The following MYO9A variants were observed in gnomAD, a reference collection of about 807,000 sequenced individuals.
MYO9A encodes unconventional myosin-IXa.
Under a neutral mutation model 293.3 loss-of-function variants are expected in MYO9A, and 103 were observed. The observed-to-expected ratio is 0.35, with a 90% CI of 0.30 to 0.41. The LOEUF (loss-of-function observed/expected upper bound fraction) is 0.41. MYO9A is among the 10% of genes least tolerant of loss of function. MYO9A has a pLI of 1.00. For missense variants in MYO9A, 2,685 were observed against 3,033.0 expected, an observed-to-expected ratio of 0.89 and a Z score of 2.69; for synonymous variants, 1,001 against 1,035.7, an observed-to-expected ratio of 0.97 and a Z score of 0.64.
chr15:72,027,768 C>T lies in MYO9A; in HGVS notation c.961G>A (p.Glu321Lys). 1 of 1,608,378 alleles carries T rather than the reference C, an allele frequency of 6.2e-7. No individual in the cohort carries two copies. The highest frequency in any genetic ancestry group is 8.5e-7 in the Non-Finnish European group (1 of 1,177,916). The change falls in exon 4 of 42, where the codon GAG becomes AAG. Residue 321 changes from glutamate (E) to lysine (K), a missense_variant. Glu to Lys is a moderately conservative substitution (Grantham distance 56). Transcript: ENST00000356056. The stretch of plus-strand genomic sequence containing the variant: ...TCCTGATAAACGAGTCTGGACTTCT[C>T]CAGTAGATATTTTTCAACATAGGCA... ...LGAYVEKYLLEKSRLVYQEHN... is the reference protein window; with the variant it reads ...LGAYVEKYLLKKSRLVYQEHN...
intron 4 of MYO9A, among the ~76,000 whole-genome samples, chr15:72,025,818 T>C (rs112377121): frequency 0.017 from 2,637 of 152,282 alleles, 83 homozygotes; most frequent in African/African-American, 0.06. Context: ...CATATGTTTA[T>C]AGAACACTCC....
chr15:71,966,748 TG>T (rs746764980), intron 13 of MYO9A, among the ~76,000 whole-genome samples: 1 of 152,232 alleles, frequency 6.6e-6, no homozygotes, highest in Non-Finnish European at 1.5e-5. Flanking sequence ...GTGACTTAAC[TG>T]ATCTTCCAGA....
At chr15:72,063,592 G>T (rs1596491552) in intron 1 of MYO9A, among the ~76,000 whole-genome samples, 1 of 152,146 alleles carries the variant, frequency 6.6e-6, no homozygotes, top group African/African-American at 2.4e-5. Context: ...CAAAAGACTG[G>T]AATAGACAAT....
chr15:72,099,422 C>CAA (rs57019438), intron 1 of MYO9A, among the ~76,000 whole-genome samples: 62,208 of 90,060 alleles, frequency 0.69, 20,038 homozygotes, highest in South Asian at 0.77. Flanking sequence ...GACCCTGCCC[C>CAA]AAAAAAAAAA....
chr15:72,036,557 T>TG (rs1314089092), intron 2 of MYO9A: 2 of 151,778 alleles, frequency 1.3e-5, no homozygotes, highest in African/African-American at 4.8e-5. Flanking sequence ...AATGATGGGG[T>TG]TTTTTTTAAA....
chr15:71,886,602 G>A (rs1447787467), intron 27 of MYO9A, among the ~76,000 whole-genome samples: 1 of 152,078 alleles, frequency 6.6e-6, no homozygotes, highest in Non-Finnish European at 1.5e-5. Context: ...CCAGCTAGAT[G>A]TATCTTTCTC....
chr15:71,901,862 T>C (rs1182088261), intron 22 of MYO9A, among the ~76,000 whole-genome samples: 2 of 152,170 alleles, frequency 1.3e-5, no homozygotes, highest in East Asian at 1.9e-4. Context: ...TTGAAAACCA[T>C]AGATCTTGAA....
intron 35 of MYO9A, among the ~76,000 whole-genome samples, chr15:71,853,596 C>T (rs982752): frequency 0.31 from 46,856 of 152,046 alleles, 7,827 homozygotes; most frequent in East Asian, 0.59. Flanking sequence ...AGAAACAGCA[C>T]TGAACACAGG....
At position 71,898,613 on chromosome 15, in the gene MYO9A, C is replaced by T; in HGVS notation, c.3890G>A (p.Gly1297Asp). The change falls in exon 25 of 42, where the codon GGT becomes GAT. Residue 1297 changes from glycine (G) to aspartate (D), a missense_variant. Physicochemically the swap from Gly to Asp is moderately conservative, Grantham distance 94. This residue lies in a region of MYO9A where 1,434 missense variants were observed against 1,497.7 expected (regional missense o/e 0.96). Transcript: ENST00000356056. ...TCTGCGATCCTCTGAAGGAGAAATA[C>T]CACCAAGAGAACGAACTTTCAGCAA... ...LELLKVRSLG[G>D]ISPSEDRRWS... 1 of 1,614,140 alleles carries T rather than the reference C, an allele frequency of 6.2e-7. No homozygotes were observed. The highest frequency in any genetic ancestry group is 1.1e-5 in the South Asian group (1 of 91,082).
intron 1 of MYO9A, among the ~76,000 whole-genome samples, chr15:72,057,481 C>T (rs2078754486): frequency 1.3e-5 from 2 of 152,136 alleles, no homozygotes; most frequent in Non-Finnish European, 1.5e-5. Flanking sequence ...CCTTGTCATT[C>T]CATCTTTGTC....
At chr15:72,050,328 G>C (rs1457959711) in intron 1 of MYO9A, among the ~76,000 whole-genome samples, 2 of 152,050 alleles carry the variant, frequency 1.3e-5, no homozygotes, top group Non-Finnish European at 1.5e-5. Flanking sequence ...TACATTACCA[G>C]CCGGGTGCGG....
chr15:71,879,637 A>T, intron 30 of MYO9A, 84 bp downstream of exon 30: 1 of 960,294 alleles, frequency 1.0e-6, no homozygotes. Flanking sequence ...CTTACGAAAC[A>T]TGGCTTTTGT....
intron 9 of MYO9A, among the ~76,000 whole-genome samples, chr15:71,999,581 A>G (rs1190742736): frequency 6.6e-6 from 1 of 152,192 alleles, no homozygotes; most frequent in Non-Finnish European, 1.5e-5. Flanking sequence ...CCTACCATCT[A>G]TCTACCCCAC....
At chr15:71,835,870 ATAG>A (rs1270601725) in intron 39 of MYO9A, among the ~76,000 whole-genome samples, 2 of 152,142 alleles carry the variant, frequency 1.3e-5, no homozygotes, top group African/African-American at 2.4e-5. Flanking sequence ...GGTAAATAAA[ATAG>A]TGGTGGTGTT....
chr15:71,846,589 CTGATATCTAA>C (rs1185936105), intron 39 of MYO9A, among the ~76,000 whole-genome samples: 2 of 152,148 alleles, frequency 1.3e-5, no homozygotes, highest in African/African-American at 2.4e-5. Context: ...GTTAAGGTAA[CTGATATCTAA>C]TGGGAAAGGG....
chr15:72,099,714 C>A (rs1032247443), intron 1 of MYO9A, among the ~76,000 whole-genome samples: 2 of 151,670 alleles, frequency 1.3e-5, no homozygotes, highest in African/African-American at 4.8e-5. Flanking sequence ...CCAACCTGAC[C>A]AATATGGTGA....
intron 39 of MYO9A, among the ~76,000 whole-genome samples, chr15:71,831,936 C>G (rs2054744752): frequency 6.6e-6 from 1 of 152,056 alleles, no homozygotes; most frequent in African/African-American, 2.4e-5. Context: ...AAGAAAAATC[C>G]TGAACCAAGC....
At chr15:71,972,036 T>C (rs1274442497) in intron 12 of MYO9A, among the ~76,000 whole-genome samples, 1 of 152,124 alleles carries the variant, frequency 6.6e-6, no homozygotes, top group Non-Finnish European at 1.5e-5. Flanking sequence ...CCTCCCCATA[T>C]TCTGAAAGAA....
intron 5 of MYO9A, among the ~76,000 whole-genome samples, chr15:72,020,099 T>C (rs2077459729): frequency 6.6e-6 from 1 of 152,120 alleles, no homozygotes; most frequent in Admixed American, 6.6e-5. Flanking sequence ...ATCTGAACCA[T>C]CATCAAAGTG....
Sources: allele counts gnomAD v4.1 joint callset (sites outside exome capture counted in the v4.1 genomes callset), GRCh38; gene constraint gnomAD v4.1.1; regional missense constraint gnomAD v4.1.1; transcripts MANE v1.5; gene names NCBI Gene and HGNC (gene_info 2026-07-23, HGNC 2026-07-21).